Variants in CNTLN observed in about 807,000 individuals in gnomAD.
CNTLN encodes the protein centlein.
A neutral mutation model predicts 180.0 loss-of-function variants in CNTLN; 212 were observed. That is an observed-to-expected ratio of 1.18 (90% CI 1.05 to 1.32). The LOEUF is 1.32. Ranked by LOEUF, CNTLN falls within the 40% of genes most tolerant of loss-of-function variation. The probability of loss-of-function intolerance (pLI) is 0.00; values close to 1 mark genes in which losing one functional copy is unlikely to be tolerated. For synonymous variants in CNTLN, 722 were observed against 563.1 expected (o/e 1.28, Z -3.99); for missense variants, 2,095 against 1,610.9 (o/e 1.30, Z -5.14).
At chr9:17,351,477 A>G (rs1441326892) in intron 12 of CNTLN, among the ~76,000 whole-genome samples, 1 of 152,212 alleles carries the variant, frequency 6.6e-6, no homozygotes, top group East Asian at 1.9e-4. Flanking sequence ...ATTCCCGTCC[A>G]TTATTCTAAA....
At chr9:17,410,041 T>C (rs1827720819) in intron 16 of CNTLN, among the ~76,000 whole-genome samples, 1 of 152,166 alleles carries the variant, frequency 6.6e-6, no homozygotes, top group Admixed American at 6.5e-5. Context: ...TAAGATTCTT[T>C]TAAAACATAA....
rs565507920 is a variant in CNTLN, at chr9:17,165,780, C to A, written c.449+22404C>A. Among the ~76,000 whole-genome samples the A allele has an allele frequency of 3.3e-5, 5 of 152,284 alleles. 1 individual carries two copies. Among genetic ancestry groups the A allele is most frequent in the African/African-American group, 1.2e-4 (5 of 41,558 alleles). ...GTGGGACACTAACTGAATTATTCAG[C>A]CTCAGAGTTGCTGGAAGCAGAGTCC... On this transcript the variant is annotated intron_variant, in intron 2 of 25. Transcript: ENST00000380647.
chr9:17,502,991 C>T lies in CNTLN; in HGVS notation c.*339C>T, dbSNP rs1833830029. 6.4e-6 allele frequency: 1 copy of T among 155,892 alleles called. No individual in the cohort carries two copies. Among genetic ancestry groups the T allele is most frequent in the Non-Finnish European group, 1.4e-5 (1 of 70,484 alleles). The allele number at this position is 155,892 out of a possible 1,614,324, so 9.7% of individuals were successfully genotyped here. A position where few individuals can be genotyped will look rare whatever the true frequency, so the allele number is the denominator to read the frequency against. On this transcript the variant is annotated 3_prime_UTR_variant, in exon 26 of 26. Coordinates refer to ENST00000380647, the MANE Select transcript of CNTLN (RefSeq NM_017738.4). Reference sequence around the variant, plus strand: ...TGAGCATAAGAAGAAAAAGTATCAACTAAGGATTTAATGTTTTACGTTTCA... The same window carrying T: ...TGAGCATAAGAAGAAAAAGTATCAATTAAGGATTTAATGTTTTACGTTTCA...
intron 2 of CNTLN, among the ~76,000 whole-genome samples, chr9:17,164,838 C>CTTT (rs565706282): frequency 7.4e-6 from 1 of 134,588 alleles, no homozygotes; most frequent in Non-Finnish European, 1.6e-5. Flanking sequence ...TTCTTTCTTT[C>CTTT]TTTTTTTTTT....
chr9:17,288,123 C>G (rs1349171161), intron 6 of CNTLN, among the ~76,000 whole-genome samples: 1 of 129,654 alleles, frequency 7.7e-6, no homozygotes, highest in East Asian at 2.3e-4. Context: ...TGGATCTTTC[C>G]TGCTTTCTCT....
chr9:17,360,923 CA>C (rs146756143), intron 12 of CNTLN, among the ~76,000 whole-genome samples: 2,600 of 152,118 alleles, frequency 0.017, 70 homozygotes, highest in African/African-American at 0.06. Context: ...TTTTATAAAA[CA>C]TTCAGTTAGG....
intron 2 of CNTLN, among the ~76,000 whole-genome samples, chr9:17,187,933 A>G (rs1587063116): frequency 6.6e-6 from 1 of 150,978 alleles, no homozygotes; most frequent in African/African-American, 2.4e-5. Context: ...TGAGTGTGTG[A>G]AAATGTATAA....
chr9:17,365,012 C>T (rs924939007), intron 12 of CNTLN, among the ~76,000 whole-genome samples: 2 of 152,086 alleles, frequency 1.3e-5, no homozygotes, highest in Admixed American at 6.6e-5. Flanking sequence ...TTGTTTTCTC[C>T]CAGTTTCCTG....
intron 15 of CNTLN, among the ~76,000 whole-genome samples, chr9:17,405,319 A>G (rs549044621): frequency 4.0e-5 from 6 of 151,784 alleles, no homozygotes; most frequent in Non-Finnish European, 8.8e-5. Flanking sequence ...TGCTATAACA[A>G]CACACACAAA....
chr9:17,290,077 G>T (rs528091153), intron 6 of CNTLN, among the ~76,000 whole-genome samples: 1 of 152,192 alleles, frequency 6.6e-6, no homozygotes, highest in Non-Finnish European at 1.5e-5. Flanking sequence ...TGGAGGAGGA[G>T]AGGCGCTCTG....
chr9:17,307,039 C>T lies in CNTLN; in HGVS notation c.1147-2019C>T, dbSNP rs143740987. On this transcript the variant is annotated intron_variant, in intron 7 of 25. Coordinates refer to ENST00000380647, the MANE Select transcript of CNTLN (RefSeq NM_017738.4). ...CTGAACTCTTCATTGTCCCTTTAAG[C>T]TGTCAGGTTCCTACTCTTTCTTGCC... is the stretch of plus-strand genomic sequence containing the variant. Among the ~76,000 whole-genome samples the T allele has an allele frequency of 3.2e-4, 49 of 152,232 alleles. No homozygotes were observed. The East Asian group carries it at 3.7e-3, about 11-fold the overall frequency.
intron 2 of CNTLN, among the ~76,000 whole-genome samples, chr9:17,179,270 G>GAAC (rs1820969844): frequency 6.8e-6 from 1 of 147,642 alleles, no homozygotes. Context: ...AAAAGAAGAA[G>GAAC]TGTAGATTAT....
intron 1 of CNTLN, among the ~76,000 whole-genome samples, chr9:17,140,782 A>G (rs891213669): frequency 1.3e-5 from 2 of 152,188 alleles, no homozygotes; most frequent in African/African-American, 4.8e-5. Flanking sequence ...TCTAAAATGT[A>G]TACATAAAAC....
chr9:17,457,387 G>T (rs978828516), intron 18 of CNTLN, 137 bp from the exon 19 acceptor site: 1 of 500,480 alleles, frequency 2.0e-6, no homozygotes. Context: ...TTTTTGTAAA[G>T]TTTGTATAAT....
downstream of CNTLN, among the ~76,000 whole-genome samples, chr9:17,508,543 T>TTCC (rs1162598874): frequency 3.9e-5 from 6 of 152,178 alleles, no homozygotes; most frequent in Admixed American, 6.5e-5. Context: ...ACAAAGACTA[T>TTCC]TCCTCATGTT....
In CNTLN at chr9:17,135,160, A is replaced by G; in HGVS notation, c.95A>G (p.His32Arg). Residue 32 changes from histidine (H) to arginine (R), a missense_variant, in exon 1 of 26, where the codon CAC becomes CGC. Physicochemically the swap from His to Arg is conservative, Grantham distance 29. Coordinates refer to ENST00000380647, the MANE Select transcript of CNTLN (RefSeq NM_017738.4). The part of the protein sequence containing the change: ...SPRVGRGAEV[H>R]AMRSEASGFA... ...CGTGTTGGGCGGGGAGCTGAAGTAC[A>G]CGCAATGCGCAGCGAGGCCTCGGGT... The G allele has an allele frequency of 6.2e-7, 1 of 1,609,612 alleles. No individual in the cohort carries two copies. Among genetic ancestry groups the G allele is most frequent in the Middle Eastern group, 1.7e-4 (1 of 6,046 alleles).
At chr9:17,440,773 A>G (rs899300259) in intron 18 of CNTLN, among the ~76,000 whole-genome samples, 3 of 152,186 alleles carry the variant, frequency 2.0e-5, no homozygotes, top group African/African-American at 7.2e-5. Flanking sequence ...GGAATAAAAT[A>G]CTAACATATG....
chr9:17,312,384 A>ATATAATATATATT (rs1563985021), intron 8 of CNTLN, among the ~76,000 whole-genome samples: 2 of 108,086 alleles, frequency 1.9e-5, no homozygotes, highest in African/African-American at 7.1e-5. Context: ...ATATATATAT[A>ATATAATATATATT]ATTTATTTAT....
At chr9:17,516,160 C>T in the CNTLN span, among the ~76,000 whole-genome samples, 3 of 152,176 alleles carry the variant, frequency 2.0e-5, no homozygotes, top group Admixed American at 2.0e-4. Flanking sequence ...TTTAAAGAGG[C>T]TTACCCTGAC....
Sources: gnomAD v4.1 joint callset for allele counts (sites outside exome capture counted in the v4.1 genomes callset) on GRCh38, gnomAD v4.1.1 for gene constraint, MANE v1.5 for transcripts, NCBI Gene and HGNC (gene_info 2026-07-23, HGNC 2026-07-21) for gene names.